KDM3B: variants seen among roughly 807,000 people sequenced by gnomAD.
The protein encoded by KDM3B is lysine-specific demethylase 3B.
KDM3B carries 10 observed loss-of-function variants against 170.0 expected under a neutral mutation model. The ratio of observed to expected loss-of-function variants is 0.06; its 90% CI spans 0.04 to 0.10. The LOEUF (loss-of-function observed/expected upper bound fraction) is 0.10. Among genes scored for constraint, KDM3B ranks in the 10% least tolerant of loss-of-function variants. The pLI, the probability that KDM3B is intolerant of heterozygous loss-of-function variation, is 1.00. For missense variants in KDM3B, 1,394 were observed against 2,195.2 expected, an observed-to-expected ratio of 0.64 and a Z score of 7.29; for synonymous variants, 831 against 834.8, an observed-to-expected ratio of 1.00 and a Z score of 0.08.
At chr5:138,383,422 C>T (rs1271930405) in intron 6 of KDM3B, among the ~76,000 whole-genome samples, 4 of 76,914 alleles carry the variant, frequency 5.2e-5, no homozygotes, top group Non-Finnish European at 9.5e-5. Flanking sequence ...CAGGCGCGAA[C>T]GAACCACCAC....
At chr5:138,395,766 G>A (rs1236297824) in intron 9 of KDM3B, among the ~76,000 whole-genome samples, 1 of 151,906 alleles carries the variant, frequency 6.6e-6, no homozygotes, top group Non-Finnish European at 1.5e-5. Context: ...ATAGGTGCGC[G>A]CCACCATGCT....
intron 1 of KDM3B, among the ~76,000 whole-genome samples, chr5:138,357,011 G>C (rs967437240): frequency 1.3e-5 from 2 of 149,794 alleles, no homozygotes; most frequent in Admixed American, 6.7e-5. Context: ...CAGAATTATC[G>C]GGCCTCTTTT....
intron 9 of KDM3B, chr5:138,397,860 TA>T (rs778330478): frequency 0.026 from 4,012 of 155,888 alleles, no homozygotes; most frequent in Middle Eastern, 0.059. Context: ...GACTCTGTCT[TA>T]AAAAAAAAAA....
At chr5:138,417,132 T>C (rs1221919699) in intron 12 of KDM3B, among the ~76,000 whole-genome samples, 2 of 152,204 alleles carry the variant, frequency 1.3e-5, no homozygotes, top group Non-Finnish European at 2.9e-5. Context: ...ATATTTATAC[T>C]CTTGAACACT....
At chr5:138,384,088 C>CA (rs1186965637) in intron 6 of KDM3B, among the ~76,000 whole-genome samples, 3 of 142,990 alleles carry the variant, frequency 2.1e-5, no homozygotes, top group African/African-American at 2.6e-5. Flanking sequence ...ACTAAAAATA[C>CA]AAAAAAAATT....
intron 1 of KDM3B, among the ~76,000 whole-genome samples, chr5:138,371,520 T>C (rs1378162161): frequency 1.3e-5 from 2 of 151,768 alleles, no homozygotes; most frequent in African/African-American, 2.4e-5. Context: ...CTTCATTTAA[T>C]GTAATCTGCT....
intron 23 of KDM3B, among the ~76,000 whole-genome samples, chr5:138,435,346 A>G (rs897881454): frequency 6.6e-5 from 10 of 152,236 alleles, no homozygotes; most frequent in African/African-American, 2.4e-4. Flanking sequence ...GGATTAAGCA[A>G]AGGTCCACAT....
intron 11 of KDM3B, among the ~76,000 whole-genome samples, chr5:138,407,571 A>G (rs1314649165): frequency 1.3e-5 from 2 of 152,120 alleles, no homozygotes; most frequent in African/African-American, 4.8e-5. Flanking sequence ...TACCCCAGAC[A>G]ACGTAGCTGC....
At chr5:138,400,757 TA>T (rs1429903147) in intron 11 of KDM3B, among the ~76,000 whole-genome samples, 1 of 150,852 alleles carries the variant, frequency 6.6e-6, no homozygotes, top group Non-Finnish European at 1.5e-5. Context: ...AAAAATCAAT[TA>T]AAGTAAATCT....
chr5:138,375,386 A>AT (rs558688969), intron 3 of KDM3B, among the ~76,000 whole-genome samples, 180 bp downstream of exon 3: 42 of 148,982 alleles, frequency 2.8e-4, no homozygotes, highest in Middle Eastern at 3.4e-3. Flanking sequence ...TTATTTATTT[A>AT]TTTTTTTTTG....
chr5:138,399,765 C>A (rs1762636175), intron 10 of KDM3B, 95 bp from the exon 11 acceptor site: 6 of 1,125,368 alleles, frequency 5.3e-6, no homozygotes, highest in Non-Finnish European at 6.3e-6. Context: ...AGTTTTATTG[C>A]TGAACAAAAT....
chr5:138,373,046 AGAATTTTTT>A (rs914211898), intron 2 of KDM3B, among the ~76,000 whole-genome samples: 3 of 152,200 alleles, frequency 2.0e-5, no homozygotes, highest in African/African-American at 7.2e-5. Flanking sequence ...TTGATATGAA[AGAATTTTTT>A]TGGCCAGACG....
At chr5:138,371,042 T>C in intron 1 of KDM3B, among the ~76,000 whole-genome samples, 1 of 152,030 alleles carries the variant, frequency 6.6e-6, no homozygotes. Flanking sequence ...CTCCTGACCT[T>C]GTGATCCACC....
At chr5:138,418,854 T>G (rs1383370150) in intron 13 of KDM3B, 99 bp from the exon 14 acceptor site, 1 of 1,125,752 alleles carries the variant, frequency 8.9e-7, no homozygotes. Flanking sequence ...CATGACAGAT[T>G]ATTCTTCCCA....
chr5:138,398,505 T>A, intron 10 of KDM3B, 113 bp downstream of exon 10: 1 of 782,246 alleles, frequency 1.3e-6, no homozygotes, highest in Non-Finnish European at 2.1e-6. Flanking sequence ...GTGAATGAAT[T>A]AAGACCGATA....
rs200501442 is a variant in KDM3B, at chr5:138,391,254, C to G, written c.1622C>G (p.Thr541Ser). The G allele has an allele frequency of 6.8e-5, 109 of 1,614,184 alleles. No individual in the cohort carries two copies. The highest frequency in any genetic ancestry group is 1.6e-4 in the Middle Eastern group (1 of 6,062). Residue 541 changes from threonine (T) to serine (S), a missense_variant, in exon 8 of 24, where the codon ACT becomes AGT. Physicochemically the swap from Thr to Ser is moderately conservative, Grantham distance 58. Coordinates refer to ENST00000314358, the MANE Select transcript of KDM3B (RefSeq NM_016604.4). The surrounding 1 kb of genome is among the most constrained non-coding windows in gnomAD (Gnocchi z 5.0). ...SQTLPTSNYF[T>S]TVSESLADDS... Reference sequence around the variant, plus strand: ...ACTTTACCTACCAGTAACTACTTCACTACTGTTTCAGAGAGTTTGGCTGAT... The same window carrying G: ...ACTTTACCTACCAGTAACTACTTCAGTACTGTTTCAGAGAGTTTGGCTGAT...
intron 13 of KDM3B, 76 bp from the exon 14 acceptor site, chr5:138,418,877 A>G (rs554901279): frequency 3.7e-6 from 5 of 1,333,350 alleles, no homozygotes; most frequent in South Asian, 2.6e-5. Flanking sequence ...CCTATTTAGT[A>G]TGTGAAGCCA....
chr5:138,432,474 C>T (rs1561799754), intron 23 of KDM3B, among the ~76,000 whole-genome samples: 2 of 152,042 alleles, frequency 1.3e-5, no homozygotes. Context: ...TCAAGACCAT[C>T]CTGGCTAACA....
chr5:138,392,578 C>G (rs913316308), intron 8 of KDM3B, among the ~76,000 whole-genome samples: 39 of 152,320 alleles, frequency 2.6e-4, no homozygotes, highest in African/African-American at 6.0e-4. Context: ...TTTTACTTCA[C>G]TTTGGCCCAT....
Sources: gnomAD v4.1 joint callset for allele counts (sites outside exome capture counted in the v4.1 genomes callset) on GRCh38, gnomAD v4.1.1 for gene constraint, Gnocchi (gnomAD v3.1) non-coding constraint, MANE v1.5 for transcripts, NCBI Gene and HGNC (gene_info 2026-07-23, HGNC 2026-07-21) for gene names.